Variants in CNBD1 observed in about 807,000 individuals in gnomAD.
The protein encoded by CNBD1 is cyclic nucleotide-binding domain-containing protein 1.
A neutral mutation model predicts 54.4 loss-of-function variants in CNBD1; 71 were observed. The ratio of observed to expected loss-of-function variants is 1.30; its 90% CI spans 1.08 to 1.59. CNBD1 has a LOEUF of 1.59. Among genes scored for constraint, CNBD1 ranks in the 40% most tolerant of loss-of-function variants. The pLI, the probability that CNBD1 is intolerant of heterozygous loss-of-function variation, is 0.00. For synonymous variants in CNBD1, 182 were observed against 170.7 expected (o/e 1.07, Z -0.51); for missense variants, 659 against 518.0 (o/e 1.27, Z -2.64).
intron 4 of CNBD1, among the ~76,000 whole-genome samples, chr8:86,983,791 G>T (rs1808543155): frequency 6.6e-6 from 1 of 152,158 alleles, no homozygotes; most frequent in Non-Finnish European, 1.5e-5. Context: ...GGTGAATTGG[G>T]TGCTGTTAAA....
intron 10 of CNBD1, among the ~76,000 whole-genome samples, chr8:87,357,273 C>T (rs959535322): frequency 1.3e-5 from 2 of 151,762 alleles, no homozygotes; most frequent in African/African-American, 4.9e-5. Context: ...AAGTGGGCTG[C>T]CACCCTCCAG....
chr8:87,279,698 G>T (rs190212295), intron 6 of CNBD1, among the ~76,000 whole-genome samples: 103 of 151,132 alleles, frequency 6.8e-4, no homozygotes, highest in African/African-American at 2.4e-3. Context: ...ATATGCTTAT[G>T]TTTTATATCG....
chr8:87,209,215 A>T (rs1234582664), intron 5 of CNBD1, among the ~76,000 whole-genome samples: 1 of 152,102 alleles, frequency 6.6e-6, no homozygotes, highest in Non-Finnish European at 1.5e-5. Context: ...AAGAATTAAT[A>T]TCAATTATTC....
chr8:87,338,065 A>C (rs994719377), intron 8 of CNBD1, among the ~76,000 whole-genome samples: 1 of 152,202 alleles, frequency 6.6e-6, no homozygotes, highest in African/African-American at 2.4e-5. Flanking sequence ...TGTACTTAAA[A>C]GAAATTAGAG....
intron 5 of CNBD1, among the ~76,000 whole-genome samples, chr8:87,230,501 G>A (rs1814660296): frequency 1.3e-5 from 2 of 152,162 alleles, no homozygotes; most frequent in African/African-American, 4.8e-5. Context: ...GTTTGTATGT[G>A]TGTGTGTGTC....
intron 6 of CNBD1, among the ~76,000 whole-genome samples, chr8:87,272,468 A>G (rs1585973647): frequency 6.6e-6 from 1 of 152,114 alleles, no homozygotes; most frequent in Non-Finnish European, 1.5e-5. Flanking sequence ...TCTTCTTTAT[A>G]AGACTATATT....
At chr8:87,417,156 G>T (rs1476860720) in intron 2 of CNBD1, among the ~76,000 whole-genome samples, 1 of 151,984 alleles carries the variant, frequency 6.6e-6, no homozygotes, top group Admixed American at 6.6e-5. Flanking sequence ...CCACATGGCT[G>T]GGGAGGCCTC....
intron 4 of CNBD1, among the ~76,000 whole-genome samples, chr8:87,050,791 T>C (rs182178468): frequency 4.8e-4 from 73 of 152,344 alleles, no homozygotes; most frequent in African/African-American, 1.7e-3. Flanking sequence ...ACTGGGTTTC[T>C]GCACTCCTAA....
intron 1 of CNBD1, among the ~76,000 whole-genome samples, chr8:86,883,695 C>G (rs972259110): frequency 2.0e-5 from 3 of 151,906 alleles, no homozygotes; most frequent in Admixed American, 2.0e-4. Context: ...TAAAAGGTCT[C>G]TGATGATCTT....
At chr8:87,025,172 A>G (rs530581957) in intron 4 of CNBD1, among the ~76,000 whole-genome samples, 1 of 143,292 alleles carries the variant, frequency 7.0e-6, no homozygotes, top group Non-Finnish European at 1.5e-5. Context: ...ACCAATCAGC[A>G]CTCCGTAAAA....
chr8:87,262,836 A>T (rs1586373435), intron 6 of CNBD1, among the ~76,000 whole-genome samples: 1 of 152,172 alleles, frequency 6.6e-6, no homozygotes, highest in South Asian at 2.1e-4. Flanking sequence ...ATTCACTTTT[A>T]TAGACAGTTT....
intron 5 of CNBD1, among the ~76,000 whole-genome samples, chr8:87,208,604 CTA>C (rs1420232444): frequency 6.6e-6 from 1 of 151,914 alleles, no homozygotes; most frequent in Non-Finnish European, 1.5e-5. Flanking sequence ...CTCATGAAAA[CTA>C]AAAGAATTGC....
At chr8:87,343,803 A>G (rs1241419801) in intron 8 of CNBD1, among the ~76,000 whole-genome samples, 2 of 152,174 alleles carry the variant, frequency 1.3e-5, no homozygotes, top group Non-Finnish European at 2.9e-5. Flanking sequence ...ATTACCATTT[A>G]CATTGCCTAA....
intron 2 of CNBD1, among the ~76,000 whole-genome samples, chr8:87,411,319 A>T (rs1383510709): frequency 6.7e-6 from 1 of 148,612 alleles, no homozygotes; most frequent in African/African-American, 2.5e-5. Context: ...TTAACTTGTG[A>T]TTCACCACAA....
At chr8:87,226,810 T>A (rs1054290872) in intron 5 of CNBD1, among the ~76,000 whole-genome samples, 7 of 151,392 alleles carry the variant, frequency 4.6e-5, no homozygotes, top group Non-Finnish European at 5.9e-5. Flanking sequence ...ACTTTCTGTC[T>A]CGTTGATCTG....
intron 4 of CNBD1, among the ~76,000 whole-genome samples, chr8:86,946,067 G>T (rs1002474067): frequency 6.6e-6 from 1 of 152,084 alleles, no homozygotes; most frequent in East Asian, 1.9e-4. Flanking sequence ...ATATTACTTC[G>T]TCCATTTTAG....
intron 2 of CNBD1, among the ~76,000 whole-genome samples, chr8:87,396,462 A>G (rs563825394): frequency 3.3e-5 from 5 of 152,012 alleles, no homozygotes; most frequent in African/African-American, 1.2e-4. Flanking sequence ...TATTTATAAT[A>G]CTATGTATGC....
At chr8:87,428,346 C>G (rs995743689) in intron 2 of CNBD1, among the ~76,000 whole-genome samples, 1 of 151,970 alleles carries the variant, frequency 6.6e-6, no homozygotes, top group Non-Finnish European at 1.5e-5. Flanking sequence ...GTAAATTAGG[C>G]TAAATTACTG....
At chr8:87,367,085 T>C (rs141199249) in intron 10 of CNBD1, among the ~76,000 whole-genome samples, 3 of 152,142 alleles carry the variant, frequency 2.0e-5, no homozygotes, top group African/African-American at 4.8e-5. Context: ...TAATATACCA[T>C]TGGGACTTTA....
Sources: allele counts gnomAD v4.1 joint callset (sites outside exome capture counted in the v4.1 genomes callset), GRCh38; gene constraint gnomAD v4.1.1; transcripts MANE v1.5; gene names NCBI Gene and HGNC (gene_info 2026-07-23, HGNC 2026-07-21).